The following POR variants were observed in gnomAD, a reference collection of about 807,000 sequenced individuals.
POR encodes the protein NADPH--cytochrome P450 reductase.
A neutral mutation model predicts 84.0 loss-of-function variants in POR; 56 were observed. That is an observed-to-expected ratio of 0.67 (90% CI 0.54 to 0.83). The LOEUF (loss-of-function observed/expected upper bound fraction) is 0.83. Ranked by LOEUF, POR falls within the 40% of genes least tolerant of loss-of-function variation. POR has a pLI of 0.00. For synonymous variants in POR, 414 were observed against 400.5 expected (o/e 1.03, Z -0.40); for missense variants, 938 against 944.3 (o/e 0.99, Z 0.09).
intron 1 of POR, among the ~76,000 whole-genome samples, chr7:75,944,536 A>T (rs939164067): frequency 2.0e-5 from 3 of 152,172 alleles, no homozygotes; most frequent in African/African-American, 7.2e-5. Context: ...CTGTCTCAAA[A>T]ATAAAATAGG....
At chr7:75,954,914 G>T (rs1011244971) in intron 2 of POR, among the ~76,000 whole-genome samples, 1 of 151,956 alleles carries the variant, frequency 6.6e-6, no homozygotes, top group Admixed American at 6.6e-5. Context: ...CACCATGTTG[G>T]CCAGGCTGGT....
Position 75,985,095 on chromosome 7 carries a change from A to G in POR, c.1286A>G (p.His429Arg). 2 of 1,599,894 alleles carry G rather than the reference A, an allele frequency of 1.3e-6. No individual in the cohort carries two copies. The highest frequency in any genetic ancestry group is 1.7e-6 in the Non-Finnish European group (2 of 1,179,412). ...AGCTGGGTGGTGGAGGCCCGGAGGCACATCCTGGCCATCCTGCAGGACTGC... is the reference window on the plus strand; with the variant it reads ...AGCTGGGTGGTGGAGGCCCGGAGGCGCATCCTGGCCATCCTGCAGGACTGC... Residue 429 changes from histidine (H) to arginine (R), a missense_variant, in exon 12 of 16, where the codon CAC becomes CGC. Coordinates refer to ENST00000461988, the MANE Select transcript of POR (RefSeq NM_000941.3).
chr7:75,927,883 C>T (rs1807213563), intron 1 of POR, among the ~76,000 whole-genome samples: 1 of 151,106 alleles, frequency 6.6e-6, no homozygotes, highest in Admixed American at 6.6e-5. Context: ...GTTGGCTAGA[C>T]TGGTCTCGAA....
intron 1 of POR, among the ~76,000 whole-genome samples, chr7:75,942,167 G>T (rs1786950847): frequency 6.6e-6 from 1 of 152,174 alleles, no homozygotes; most frequent in Non-Finnish European, 1.5e-5. Context: ...GCTGAGGCTG[G>T]AGTGAGCTGC....
chr7:75,916,583 C>T (rs561717560), intron 1 of POR, among the ~76,000 whole-genome samples: 8 of 152,220 alleles, frequency 5.3e-5, no homozygotes, highest in African/African-American at 1.9e-4. Flanking sequence ...TGGAAACTTT[C>T]GCTGAGCAGA....
At chr7:75,978,248 C>T (rs1554557116) in intron 3 of POR, among the ~76,000 whole-genome samples, 1 of 152,132 alleles carries the variant, frequency 6.6e-6, no homozygotes, top group African/African-American at 2.4e-5. Context: ...ATAGCCAGCC[C>T]TGCATATCCG....
chr7:75,937,403 C>G (rs556241734), intron 1 of POR, among the ~76,000 whole-genome samples: 4 of 130,508 alleles, frequency 3.1e-5, no homozygotes, highest in Non-Finnish European at 6.2e-5. Flanking sequence ...ACCTGGGAGG[C>G]GGAGGTTGCA....
chr7:75,944,576 C>T (rs151161951), intron 1 of POR, among the ~76,000 whole-genome samples: 157 of 151,992 alleles, frequency 1.0e-3, no homozygotes, highest in Middle Eastern at 3.4e-3. Flanking sequence ...CTTAAAGTAC[C>T]CAGAATGCCC....
Position 75,972,439 on chromosome 7 carries a change from T to C in POR, c.215T>C (p.Phe72Ser). 1 of 1,609,854 alleles carries C rather than the reference T, an allele frequency of 6.2e-7. No individual in the cohort carries two copies. The highest frequency in any genetic ancestry group is 1.6e-4 in the Middle Eastern group (1 of 6,062). Residue 72 changes from phenylalanine (F) to serine (S), a missense_variant, in exon 3 of 16, where the codon TTT becomes TCT. Physicochemically the swap from Phe to Ser is radical, Grantham distance 155 (BLOSUM62 -2). Transcript: ENST00000461988. ...ACCTCCTCTGTCAGAGAGAGCAGCT[T>C]TGTGGAAAAGATGAAGAAAACGGTG... is the stretch of plus-strand genomic sequence containing the variant.
chr7:75,925,294 G>A (rs558584791), intron 1 of POR, among the ~76,000 whole-genome samples: 196 of 152,266 alleles, frequency 1.3e-3, no homozygotes, highest in African/African-American at 4.6e-3. Flanking sequence ...GATCACTTGT[G>A]GCCAGGAGTT....
At chr7:75,968,236 G>A (rs1443602451) in intron 2 of POR, 1 of 467,144 alleles carries the variant, frequency 2.1e-6, no homozygotes, top group South Asian at 1.6e-5. Flanking sequence ...GCGGGGACCT[G>A]CTGGAGGCCT....
At chr7:75,985,309 G>C in intron 12 of POR, 102 bp downstream of exon 12, 1 of 1,396,146 alleles carries the variant, frequency 7.2e-7, no homozygotes, top group Admixed American at 2.6e-5. Context: ...TCTGAGCCCT[G>C]AGCTCCAGTT....
At chr7:75,925,515 A>G (rs1807070405) in intron 1 of POR, among the ~76,000 whole-genome samples, 2 of 152,010 alleles carry the variant, frequency 1.3e-5, no homozygotes, top group Non-Finnish European at 2.9e-5. Context: ...ATGGAGCAAG[A>G]CCCCATCTCT....
intron 1 of POR, among the ~76,000 whole-genome samples, chr7:75,929,804 C>T (rs1807321937): frequency 6.6e-6 from 1 of 152,182 alleles, no homozygotes; most frequent in African/African-American, 2.4e-5. Flanking sequence ...TCGCCCAGAG[C>T]ACCCCCTGTG....
intron 1 of POR, among the ~76,000 whole-genome samples, chr7:75,929,809 C>A (rs991843346): frequency 6.6e-6 from 1 of 152,172 alleles, no homozygotes. Flanking sequence ...CAGAGCACCC[C>A]CTGTGACTCC....
At chr7:75,957,590 G>A (rs1169142071) in intron 2 of POR, among the ~76,000 whole-genome samples, 15 of 152,124 alleles carry the variant, frequency 9.9e-5, no homozygotes, top group African/African-American at 3.4e-4. Context: ...TAGCTCATCT[G>A]TTCTCGCTGT....
chr7:75,982,335 A>C lies in POR; in HGVS notation c.830+13A>C, dbSNP rs782161542. 1 of 1,603,798 alleles carries C rather than the reference A, an allele frequency of 6.2e-7. No individual in the cohort carries two copies. The highest frequency in any genetic ancestry group is 8.5e-7 in the Non-Finnish European group (1 of 1,174,968). On this transcript the variant is annotated intron_variant, in intron 8 of 15. Transcript: ENST00000461988. The stretch of plus-strand genomic sequence containing the variant: ...AGAACCAGAAGCCGTGAGTGGAGGG[A>C]GCGTGGCTTGGGGCAGACGGCTCTA...
At chr7:75,924,344 A>G (rs1554549211) in intron 1 of POR, among the ~76,000 whole-genome samples, 1 of 152,194 alleles carries the variant, frequency 6.6e-6, no homozygotes, top group Admixed American at 6.5e-5. Context: ...ATCTTTCTAG[A>G]TCAGTTACCT....
chr7:75,952,677 C>G (rs1201578910), intron 1 of POR, among the ~76,000 whole-genome samples: 2 of 150,124 alleles, frequency 1.3e-5, no homozygotes, highest in African/African-American at 4.9e-5. Context: ...TCCTCACATC[C>G]CAGACGGGGC....
Sources: gnomAD v4.1 joint callset for allele counts (sites outside exome capture counted in the v4.1 genomes callset) on GRCh38, gnomAD v4.1.1 for gene constraint, MANE v1.5 for transcripts, NCBI Gene and HGNC (gene_info 2026-07-23, HGNC 2026-07-21) for gene names.